Variants in LAMC3 observed in about 807,000 individuals in gnomAD.
The protein encoded by LAMC3 is laminin subunit gamma 3, also known as laminin subunit gamma-3.
Under a neutral mutation model 173.8 loss-of-function variants are expected in LAMC3, and 128 were observed. That is an observed-to-expected ratio of 0.74 (90% CI 0.64 to 0.85). LAMC3 has a LOEUF of 0.85. Ranked by LOEUF, LAMC3 falls within the 40% of genes least tolerant of loss-of-function variation. The pLI is 0.00. For synonymous variants in LAMC3, 897 were observed against 909.1 expected, an observed-to-expected ratio of 0.99 and a Z score of 0.24; for missense variants, 2,022 against 2,156.0, an observed-to-expected ratio of 0.94 and a Z score of 1.23.
chr9:131,027,912 C>T (rs1198667467), intron 2 of LAMC3, among the ~76,000 whole-genome samples: 3 of 152,246 alleles, frequency 2.0e-5, no homozygotes, highest in Non-Finnish European at 2.9e-5. Flanking sequence ...CTGCCGGGAT[C>T]GGCACCTATC....
At chr9:131,072,869 A>C in intron 19 of LAMC3, 34 bp downstream of exon 19, 1 of 1,581,074 alleles carries the variant, frequency 6.3e-7, no homozygotes, top group Non-Finnish European at 8.6e-7. Flanking sequence ...CGAACACACC[A>C]AACCTGGGCA....
chr9:131,054,960 C>G (rs1057239294), intron 11 of LAMC3, among the ~76,000 whole-genome samples: 1 of 151,232 alleles, frequency 6.6e-6, no homozygotes, highest in Admixed American at 6.6e-5. Context: ...GCGTAGAAAG[C>G]CTGGTTTTCT....
chr9:131,063,018 T>C (rs1829861022), intron 13 of LAMC3, among the ~76,000 whole-genome samples: 1 of 152,252 alleles, frequency 6.6e-6, no homozygotes, highest in South Asian at 2.1e-4. Context: ...TTCTTTTGGA[T>C]CTGGCTTGTT....
intron 14 of LAMC3, among the ~76,000 whole-genome samples, chr9:131,067,687 G>A (rs1829963448): frequency 6.6e-6 from 1 of 152,168 alleles, no homozygotes; most frequent in South Asian, 2.1e-4. Flanking sequence ...TGGAACCCCT[G>A]CAGGAAACAC....
chr9:131,012,356 G>A (rs150131073), intron 1 of LAMC3, among the ~76,000 whole-genome samples: 435 of 152,294 alleles, frequency 2.9e-3, no homozygotes, highest in African/African-American at 9.5e-3. Flanking sequence ...TACCTGTACC[G>A]TACGGATAAG....
chr9:131,087,328 T>C, intron 25 of LAMC3, 148 bp from the exon 26 acceptor site: 7 of 1,038,000 alleles, frequency 6.7e-6, no homozygotes, highest in Admixed American at 3.4e-5. Context: ...TTAGCCTGCA[T>C]TCAGTACATA....
chr9:131,061,137 C>T lies in LAMC3; in HGVS notation c.2261C>T (p.Pro754Leu), dbSNP rs748412467. 1 of 1,613,538 alleles carries T rather than the reference C, an allele frequency of 6.2e-7. No homozygotes were observed. ...PFAGQADDCQ[P>L]CPCPGQSACT... ...GCGGGCCAAGCCGACGACTGCCAGC[C>T]CTGTCCCTGCCCTGGCCAGTCGGCC... The change falls in exon 13 of 28, where the codon CCC becomes CTC. Residue 754 changes from proline to leucine, a missense_variant. By Grantham distance (98) the Pro-to-Leu change is moderately conservative (BLOSUM62 -3). Coordinates refer to ENST00000361069, the MANE Select transcript of LAMC3 (RefSeq NM_006059.4).
chr9:131,040,306 T>C (rs7862626), intron 6 of LAMC3, among the ~76,000 whole-genome samples: 48,282 of 151,764 alleles, frequency 0.32, 7,777 homozygotes, highest in Middle Eastern at 0.35. Flanking sequence ...GCCTCCTGAG[T>C]AGCTGAGATT....
chr9:131,051,149 G>A (rs1459607942), intron 9 of LAMC3, among the ~76,000 whole-genome samples: 1 of 152,182 alleles, frequency 6.6e-6, no homozygotes, highest in African/African-American at 2.4e-5. Flanking sequence ...GAATTTGAGG[G>A]ATGCACTGCA....
intron 20 of LAMC3, among the ~76,000 whole-genome samples, chr9:131,075,298 G>T (rs1830104179): frequency 6.6e-6 from 1 of 152,046 alleles, no homozygotes; most frequent in Non-Finnish European, 1.5e-5. Context: ...CCCTGGCTGG[G>T]TGCAGTGGCT....
chr9:131,038,176 C>T (rs3780274), intron 4 of LAMC3, among the ~76,000 whole-genome samples: 55,425 of 152,116 alleles, frequency 0.36, 11,373 homozygotes, highest in East Asian at 0.53. Flanking sequence ...GACTTCCTCT[C>T]GGAAGCCTTG....
At chr9:131,063,336 C>T (rs1013393883) in intron 13 of LAMC3, among the ~76,000 whole-genome samples, 3 of 152,208 alleles carry the variant, frequency 2.0e-5, no homozygotes, top group African/African-American at 7.2e-5. Flanking sequence ...CAGACATGCA[C>T]GAGGCCCACC....
chr9:131,015,196 C>T (rs141024418), intron 1 of LAMC3, among the ~76,000 whole-genome samples: 341 of 152,314 alleles, frequency 2.2e-3, no homozygotes, highest in African/African-American at 7.6e-3. Flanking sequence ...GGGCTGTGAA[C>T]CCCAGGGTTG....
chr9:131,026,687 C>A lies in LAMC3; in HGVS notation c.678+98C>A. On this transcript the variant is annotated intron_variant, in intron 2 of 27. Transcript: ENST00000361069. The surrounding 1 kb of genome is among the most constrained non-coding windows in gnomAD (Gnocchi z 4.8). Reference sequence around the variant, plus strand: ...TGCCAGGACACACAGGGTGGGGGACCTGCAAAACCCCATGGTTTTCTTTTT... The same window carrying A: ...TGCCAGGACACACAGGGTGGGGGACATGCAAAACCCCATGGTTTTCTTTTT... 7.0e-7 allele frequency: 1 copy of A among 1,433,332 alleles called. No homozygotes were observed. The highest frequency in any genetic ancestry group is 9.1e-7 in the Non-Finnish European group (1 of 1,096,860). 88.8% of individuals were successfully genotyped at this position (1,433,332 alleles called of 1,614,324 possible).
intron 9 of LAMC3, among the ~76,000 whole-genome samples, chr9:131,051,463 C>T (rs1408971001): frequency 6.8e-6 from 1 of 146,314 alleles, no homozygotes; most frequent in Non-Finnish European, 1.5e-5. Context: ...CTTCTGGGTT[C>T]AAGCAATTCC....
chr9:131,017,324 C>T (rs565501634), intron 1 of LAMC3, among the ~76,000 whole-genome samples: 64 of 152,244 alleles, frequency 4.2e-4, no homozygotes, highest in African/African-American at 1.1e-3. Context: ...TGCAAACGAG[C>T]GGCCTCACGC....
intron 20 of LAMC3, 109 bp from the exon 21 acceptor site, chr9:131,075,722 G>C: frequency 8.0e-7 from 1 of 1,252,708 alleles, no homozygotes; most frequent in South Asian, 1.3e-5. Context: ...CTTTGTGGCT[G>C]TCCTCTGTTA....
At chr9:131,052,403 A>T in intron 9 of LAMC3, 88 bp from the exon 10 acceptor site, 1 of 1,226,220 alleles carries the variant, frequency 8.2e-7, no homozygotes, top group South Asian at 1.2e-5. Flanking sequence ...TCTTTTTTGA[A>T]TGTTTAGTTG....
chr9:131,083,528 G>C (rs1830277844), intron 24 of LAMC3, among the ~76,000 whole-genome samples: 1 of 152,190 alleles, frequency 6.6e-6, no homozygotes, highest in South Asian at 2.1e-4. Context: ...TGCCAAGAGA[G>C]GGTTTGTGTT....
Sources: allele counts gnomAD v4.1 joint callset (sites outside exome capture counted in the v4.1 genomes callset), GRCh38; gene constraint gnomAD v4.1.1; non-coding constraint Gnocchi (gnomAD v3.1); transcripts MANE v1.5; gene names NCBI Gene and HGNC (gene_info 2026-07-23, HGNC 2026-07-21).